Variants in CREB5 observed in about 807,000 individuals in gnomAD.
CREB5 encodes cyclic AMP-responsive element-binding protein 5.
In CREB5, 19 loss-of-function variants were observed where a neutral mutation model predicts 57.1. That is an observed-to-expected ratio of 0.33 (90% CI 0.23 to 0.49). The LOEUF (loss-of-function observed/expected upper bound fraction) is 0.49. Ranked by LOEUF, CREB5 falls within the 20% of genes least tolerant of loss-of-function variation. The pLI is 0.99. For missense variants in CREB5, 579 were observed against 671.6 expected, an observed-to-expected ratio of 0.86 and a Z score of 1.52; for synonymous variants, 238 against 238.3, an observed-to-expected ratio of 1.00 and a Z score of 0.01.
intron 4 of CREB5, among the ~76,000 whole-genome samples, chr7:28,521,272 T>C (rs1243904199): frequency 6.6e-6 from 1 of 152,236 alleles, no homozygotes; most frequent in African/African-American, 2.4e-5. Context: ...CGTGGATTGG[T>C]CTTCACTTGG....
chr7:28,696,924 T>C (rs747433817), intron 5 of CREB5, among the ~76,000 whole-genome samples: 4 of 151,872 alleles, frequency 2.6e-5, no homozygotes, highest in Non-Finnish European at 4.4e-5. Context: ...TATATGTGTA[T>C]ATATACTTCA....
At chr7:28,552,049 T>TTTCTCTCTC (rs1408175419) in intron 4 of CREB5, among the ~76,000 whole-genome samples, 5 of 146,782 alleles carry the variant, frequency 3.4e-5, no homozygotes, top group African/African-American at 1.3e-4. Flanking sequence ...TCTCCTCTCT[T>TTTCTCTCTC]CTCTCTTCTC....
intron 1 of CREB5, among the ~76,000 whole-genome samples, chr7:28,425,439 T>C (rs933951859): frequency 6.7e-6 from 1 of 150,272 alleles, no homozygotes; most frequent in African/African-American, 2.5e-5. Context: ...GGACTGGGGG[T>C]GGGGTGGGGA....
chr7:28,322,773 A>G (rs182734759), intron 1 of CREB5, among the ~76,000 whole-genome samples: 1 of 152,306 alleles, frequency 6.6e-6, no homozygotes, highest in African/African-American at 2.4e-5. Context: ...CCCTGCAAAG[A>G]CATGAACTCA....
chr7:28,722,671 T>C lies in CREB5; in HGVS notation c.592-1551T>C, dbSNP rs551203263. On this transcript the variant is annotated intron_variant, in intron 6 of 10. Transcript: ENST00000357727. ...GAGTGAACATTTTATTTTACTGAAT[T>C]GGCAAGGCCTCAAAAAGTTGTACGG... Among the ~76,000 whole-genome samples, 142 of 152,310 alleles carry C rather than the reference T, an allele frequency of 9.3e-4. 1 individual carries two copies. Among genetic ancestry groups the C allele is most frequent in the African/African-American group, 3.1e-3 (130 of 41,574 alleles).
chr7:28,758,446 G>A (rs912678195), intron 7 of CREB5, among the ~76,000 whole-genome samples: 21 of 152,180 alleles, frequency 1.4e-4, no homozygotes, highest in African/African-American at 4.6e-4. Flanking sequence ...AAGTGTGAGG[G>A]CTGGTATGTG....
chr7:28,300,272 T>C (rs964838711), intron 1 of CREB5, among the ~76,000 whole-genome samples: 1 of 152,104 alleles, frequency 6.6e-6, no homozygotes, highest in Non-Finnish European at 1.5e-5. Flanking sequence ...ACACACTGAC[T>C]GAATGGGCTG....
At chr7:28,343,162 G>A (rs1409592405) in intron 1 of CREB5, among the ~76,000 whole-genome samples, 2 of 152,162 alleles carry the variant, frequency 1.3e-5, no homozygotes, top group East Asian at 1.9e-4. Context: ...GGATGGTCTC[G>A]ATCTCCTGAC....
intron 7 of CREB5, among the ~76,000 whole-genome samples, chr7:28,771,502 C>T (rs192568983): frequency 6.6e-6 from 1 of 152,074 alleles, no homozygotes; most frequent in African/African-American, 2.4e-5. Flanking sequence ...AAAAGAAAGA[C>T]AACGATGCCT....
At chr7:28,476,147 A>G (rs1001831673) in intron 1 of CREB5, among the ~76,000 whole-genome samples, 1 of 152,226 alleles carries the variant, frequency 6.6e-6, no homozygotes. Flanking sequence ...CCTGTCTCCG[A>G]GGTCCTTCTC....
chr7:28,616,111 T>C (rs1261505164), intron 5 of CREB5, among the ~76,000 whole-genome samples: 1 of 152,230 alleles, frequency 6.6e-6, no homozygotes, highest in Non-Finnish European at 1.5e-5. Context: ...GTTTCTCTGT[T>C]TCTTGTATCT....
chr7:28,372,144 C>CA (rs1786720113), intron 1 of CREB5, among the ~76,000 whole-genome samples: 1 of 152,256 alleles, frequency 6.6e-6, no homozygotes, highest in African/African-American at 2.4e-5. Context: ...AGTTAATTCT[C>CA]ACGGCAACTC....
At chr7:28,492,320 G>A (rs992657316) in intron 2 of CREB5, among the ~76,000 whole-genome samples, 14 of 152,102 alleles carry the variant, frequency 9.2e-5, no homozygotes, top group African/African-American at 3.4e-4. Context: ...TTATGTTACC[G>A]TTTCTTCGAC....
intron 7 of CREB5, among the ~76,000 whole-genome samples, chr7:28,732,055 G>A (rs896908186): frequency 1.3e-5 from 2 of 152,098 alleles, no homozygotes; most frequent in African/African-American, 4.8e-5. Flanking sequence ...TCCACATCAT[G>A]CTGGGTGTGG....
chr7:28,406,678 C>T (rs1186503167), intron 1 of CREB5, among the ~76,000 whole-genome samples: 1 of 152,226 alleles, frequency 6.6e-6, no homozygotes, highest in African/African-American at 2.4e-5. Flanking sequence ...TGGAGGCACC[C>T]TTAGAGATGC....
chr7:28,556,349 T>C (rs1305993790), intron 4 of CREB5, among the ~76,000 whole-genome samples: 1 of 152,162 alleles, frequency 6.6e-6, no homozygotes, highest in Admixed American at 6.5e-5. Context: ...TTTCAGGGCG[T>C]GTAACTGGGT....
chr7:28,628,285 C>T (rs1047747597), intron 5 of CREB5, among the ~76,000 whole-genome samples: 10 of 151,934 alleles, frequency 6.6e-5, no homozygotes, highest in Non-Finnish European at 1.3e-4. Context: ...GAGCAGGTTT[C>T]CTGAACTTAC....
At chr7:28,613,539 T>A (rs1797479487) in intron 5 of CREB5, among the ~76,000 whole-genome samples, 1 of 152,242 alleles carries the variant, frequency 6.6e-6, no homozygotes, top group Non-Finnish European at 1.5e-5. Flanking sequence ...GAAGAATGAT[T>A]GCGACCTTAG....
Position 28,459,500 on chromosome 7 carries a change from G to A in CREB5, c.4-28675G>A, listed in dbSNP as rs192909982. Among the ~76,000 whole-genome samples, 13 of 152,316 alleles carry A rather than the reference G, an allele frequency of 8.5e-5. No individual in the cohort carries two copies. In the East Asian group the frequency reaches 1.7e-3, roughly 20 times the overall value. ...AAGGGCCCTTCAAAGGGTCCATGGA[G>A]TGATTTTAGGTTTGGAATCTTGCCA... On this transcript the variant is annotated intron_variant, in intron 1 of 10. Transcript: ENST00000357727.
Sources: allele counts gnomAD v4.1 joint callset (sites outside exome capture counted in the v4.1 genomes callset), GRCh38; gene constraint gnomAD v4.1.1; transcripts MANE v1.5; gene names NCBI Gene and HGNC (gene_info 2026-07-23, HGNC 2026-07-21).